SLC11A1: variants seen among roughly 807,000 people sequenced by gnomAD.
SLC11A1 encodes the protein solute carrier family 11 member 1, also known as natural resistance-associated macrophage protein 1.
In SLC11A1, 59 loss-of-function variants were observed where a neutral mutation model predicts 63.2. The ratio of observed to expected loss-of-function variants is 0.93; its 90% CI spans 0.76 to 1.16. The LOEUF (loss-of-function observed/expected upper bound fraction) is 1.16. Ranked by LOEUF, SLC11A1 falls within the 50% of genes most tolerant of loss-of-function variation. SLC11A1 has a pLI of 0.00. For synonymous variants in SLC11A1, 305 were observed against 307.8 expected, an observed-to-expected ratio of 0.99 and a Z score of 0.09; for missense variants, 688 against 730.7, an observed-to-expected ratio of 0.94 and a Z score of 0.67.
At chr2:218,386,454 A>G (rs1696109553) in intron 4 of SLC11A1, among the ~76,000 whole-genome samples, 181 bp from the exon 5 acceptor site, 4 of 76,158 alleles carry the variant, frequency 5.3e-5, no homozygotes, top group East Asian at 2.7e-4. Flanking sequence ...CTCTATTTCG[A>G]AAAAAAAAAA....
In SLC11A1 at chr2:218,391,411, C is replaced by T. The variant is rs1309170728; in HGVS notation, c.1080C>T (p.Ala360=). The change falls in exon 11 of 15, where the codon GCC becomes GCT. Residue 360 remains alanine, a synonymous_variant. Coordinates refer to ENST00000233202, the MANE Select transcript of SLC11A1 (RefSeq NM_000578.4). ...VILGCLFGPA[A]LYIWAIGLLA... ...TGGGCTGCCTGTTCGGCCCCGCGGC[C>T]CTCTACATCTGGGCCATAGGTCTCC... The T allele has an allele frequency of 1.9e-6, 3 of 1,613,888 alleles. No individual in the cohort carries two copies. Among genetic ancestry groups the T allele is most frequent in the Non-Finnish European group, 1.7e-6 (2 of 1,179,942 alleles).
Position 218,384,491 on chromosome 2 carries a change from C to A in SLC11A1, c.273+126C>A. 1 of 1,204,364 alleles carries A rather than the reference C, an allele frequency of 8.3e-7. No individual in the cohort carries two copies. Among genetic ancestry groups the A allele is most frequent in the Non-Finnish European group, 1.1e-6 (1 of 881,616 alleles). The allele number at this position is 1,204,364 out of a possible 1,614,324, so 74.6% of individuals were successfully genotyped here. ...GAGCTGGTGTTAAGTTCAAATGGGCCCGAAAAGGGTCCCCAGGGCAGCCCT... is the reference window on the plus strand; with the variant it reads ...GAGCTGGTGTTAAGTTCAAATGGGCACGAAAAGGGTCCCCAGGGCAGCCCT... On this transcript the variant is annotated intron_variant, in intron 3 of 14. Transcript: ENST00000233202. This position sits in a 1 kb window ranked among gnomAD's most constrained non-coding sequence, Gnocchi z 4.0.
intron 4 of SLC11A1, among the ~76,000 whole-genome samples, chr2:218,386,272 G>A: frequency 6.6e-6 from 1 of 152,064 alleles, no homozygotes; most frequent in East Asian, 1.9e-4. Flanking sequence ...GACCAACATG[G>A]AGAAACCCCG....
At chr2:218,386,613 A>G in intron 4 of SLC11A1, 22 bp from the exon 5 acceptor site, 4 of 1,571,102 alleles carry the variant, frequency 2.5e-6, no homozygotes, top group Non-Finnish European at 3.5e-6. Flanking sequence ...ACCCTTAATG[A>G]AGGATCATCT....
intron 5 of SLC11A1, 25 bp from the exon 6 acceptor site, chr2:218,387,135 C>A: frequency 6.2e-7 from 1 of 1,611,698 alleles, no homozygotes; most frequent in Non-Finnish European, 8.5e-7. Flanking sequence ...CCAGGCTGGG[C>A]TGACCCGGGC....
chr2:218,394,920 C>A lies in SLC11A1; in HGVS notation c.1543-5C>A. 6.2e-7 allele frequency: 1 copy of A among 1,611,868 alleles called. No homozygotes were observed. The highest frequency in any genetic ancestry group is 8.5e-7 in the Non-Finnish European group (1 of 1,179,030). ...CTCCCCAATTCATGGTTGCCCCTCC[C>A]CCAGGTCTGGACCTGTTGCCTTGCC... On this transcript the variant is annotated splice_polypyrimidine_tract_variant and splice_region_variant and intron_variant, in intron 14 of 14. Transcript: ENST00000233202.
chr2:218,391,608 C>T (rs949574300), intron 11 of SLC11A1, 113 bp downstream of exon 11: 1 of 1,261,342 alleles, frequency 7.9e-7, no homozygotes, highest in Non-Finnish European at 1.1e-6. Flanking sequence ...TCTTTTCTTC[C>T]TTTTTTTTTG....
Position 218,385,246 on chromosome 2 carries a change from T to G in SLC11A1, c.373T>G (p.Cys125Gly), listed in dbSNP as rs748447891. Residue 125 changes from cysteine to glycine, a missense_variant, in exon 4 of 15, where the codon TGC becomes GGC. Transcript: ENST00000233202. ...GACAGGCAAGGACTTGGGCGAGGTC[T>G]GCCATCTCTACTACCCTAAGGTGAG... The part of the protein sequence containing the change: ...VVTGKDLGEV[C>G]HLYYPKVPRT... The G allele has an allele frequency of 4.1e-5, 66 of 1,613,894 alleles. No homozygotes were observed. The highest frequency in any genetic ancestry group is 1.6e-4 in the Middle Eastern group (1 of 6,084).
Position 218,391,287 on chromosome 2 carries a change from G to T in SLC11A1, c.1044G>T (p.Gly348=). 6.2e-7 allele frequency: 1 copy of T among 1,613,988 alleles called. No individual in the cohort carries two copies. Among genetic ancestry groups the T allele is most frequent in the Non-Finnish European group, 8.5e-7 (1 of 1,179,878 alleles). ...CCGTGGCCGTGGACATTTACCAGGG[G>T]GTGAGCGCGGGTGGGTGGGGAGGGC... ...NATVAVDIYQ[G]GVILGCLFGP... The change falls in exon 10 of 15, where the codon GGG becomes GGT. Residue 348 remains glycine (G), a splice_region_variant and synonymous_variant. Transcript: ENST00000233202.
Position 218,387,851 on chromosome 2 carries a change from C to T in SLC11A1, c.691C>T (p.Pro231Ser). The T allele has an allele frequency of 6.2e-7, 1 of 1,601,590 alleles. No individual in the cohort carries two copies. Among genetic ancestry groups the T allele is most frequent in the Non-Finnish European group, 8.5e-7 (1 of 1,174,296 alleles). The change falls in exon 8 of 15, where the codon CCC (proline) becomes TCC (serine). Residue 231 changes from proline (P) to serine (S), a missense_variant. Physicochemically the swap from Pro to Ser is moderately conservative, Grantham distance 74 (BLOSUM62 -1). Coordinates refer to ENST00000233202, the MANE Select transcript of SLC11A1 (RefSeq NM_000578.4). ...AGCGCTTCTTCGGGGCCTGTTCCTG[C>T]CCTCGTGCCCGGGCTGCGGCCACCC... ...QGALLRGLFL[P>S]SCPGCGHPEL...
In SLC11A1 at chr2:218,390,010, G is replaced by C. The variant is rs550942889; in HGVS notation, c.936G>C (p.Gln312His). The C allele has an allele frequency of 2.5e-6, 4 of 1,612,588 alleles. No homozygotes were observed. In the South Asian group the frequency reaches 3.3e-5, roughly 13 times the overall value. ...VMAVFGQAFY[Q>H]KTNQAAFNIC... is the part of the protein sequence containing the mutation. ...CTGTCTTTGGGCAGGCCTTCTACCA[G>C]AAAACCAACCAGGCTGCGGTGAGAC... The change falls in exon 9 of 15, where the codon CAG becomes CAC. Residue 312 changes from glutamine (Q) to histidine (H), a missense_variant. Transcript: ENST00000233202.
At chr2:218,385,353 C>T in intron 4 of SLC11A1, 87 bp downstream of exon 4, 1 of 1,548,830 alleles carries the variant, frequency 6.5e-7, no homozygotes, top group Non-Finnish European at 8.9e-7. Flanking sequence ...ATAAATACAT[C>T]ATCTCACATG....
intron 3 of SLC11A1, 89 bp from the exon 4 acceptor site, chr2:218,385,058 G>C (rs1436049075): frequency 1.9e-6 from 3 of 1,567,322 alleles, no homozygotes; most frequent in Non-Finnish European, 1.7e-6. Flanking sequence ...CCCTCCCCGA[G>C]GAGTATGCTT....
chr2:218,396,880 G>C lies in SLC11A1; in HGVS notation c.*1845G>C, dbSNP rs1207861004. The C allele has an allele frequency of 2.0e-5, 3 of 152,540 alleles. No homozygotes were observed. The highest frequency in any genetic ancestry group is 2.9e-5 in the Non-Finnish European group (2 of 68,226). 9.4% of individuals were successfully genotyped at this position (152,540 alleles called of 1,614,324 possible). ...GGCGGCAAAGTCCCGAATTAAAGAT[G>C]TCAGTTCTCAAGGACCCCACACTCC... On this transcript the variant is annotated 3_prime_UTR_variant, in exon 15 of 15. Transcript: ENST00000233202.
chr2:218,391,565 C>T (rs1696454194), intron 11 of SLC11A1, 70 bp downstream of exon 11: 4 of 1,450,702 alleles, frequency 2.8e-6, no homozygotes, highest in Middle Eastern at 4.6e-4. Flanking sequence ...GGGGCTAGAA[C>T]TCCGAGCCTT....
chr2:218,393,509 T>C (rs1374501147), intron 12 of SLC11A1, among the ~76,000 whole-genome samples: 2 of 145,546 alleles, frequency 1.4e-5, no homozygotes, highest in Admixed American at 1.4e-4. Context: ...GGAGTTTCAC[T>C]CTTGTTACCC....
intron 7 of SLC11A1, 77 bp from the exon 8 acceptor site, chr2:218,387,723 G>C: frequency 6.2e-7 from 1 of 1,611,664 alleles, no homozygotes; most frequent in East Asian, 2.2e-5. Context: ...GGCTGGGGTG[G>C]GATGGAGGCT....
chr2:218,394,184 C>T lies in SLC11A1; in HGVS notation c.1379C>T (p.Ala460Val). Residue 460 changes from alanine (A) to valine (V), a missense_variant, in exon 13 of 15, where the codon GCC (alanine) becomes GTC (valine). By Grantham distance (64) the Ala-to-Val change is moderately conservative. Transcript: ENST00000233202. ...TSMPTLMQEFANGLLNKVVTS... is the reference protein window; with the variant it reads ...TSMPTLMQEFVNGLLNKVVTS... ...ATGCCCACCCTCATGCAGGAGTTTG[C>T]CAATGGCCTGTGAGTACCCCCTTTC... 6.2e-7 allele frequency: 1 copy of T among 1,614,112 alleles called. No individual in the cohort carries two copies. The highest frequency in any genetic ancestry group is 8.5e-7 in the Non-Finnish European group (1 of 1,179,980).
intron 1 of SLC11A1, among the ~76,000 whole-genome samples, 188 bp downstream of exon 1, chr2:218,382,563 A>G (rs533050988): frequency 1.3e-5 from 2 of 152,314 alleles, no homozygotes; most frequent in Non-Finnish European, 2.9e-5. Flanking sequence ...GGAGTCCTTC[A>G]CACCCCTAAG....
Sources: allele counts gnomAD v4.1 joint callset (sites outside exome capture counted in the v4.1 genomes callset), GRCh38; gene constraint gnomAD v4.1.1; non-coding constraint Gnocchi (gnomAD v3.1); transcripts MANE v1.5; gene names NCBI Gene and HGNC (gene_info 2026-07-23, HGNC 2026-07-21).